Variants in CCDC30 observed in about 807,000 individuals in gnomAD.
CCDC30 encodes coiled-coil domain-containing protein 30.
Under a neutral mutation model 100.2 loss-of-function variants are expected in CCDC30, and 70 were observed. That is an observed-to-expected ratio of 0.70 (90% CI 0.58 to 0.85). CCDC30 has a LOEUF of 0.85. Ranked by LOEUF, CCDC30 falls within the 40% of genes least tolerant of loss-of-function variation. The pLI, the probability that CCDC30 is intolerant of heterozygous loss-of-function variation, is 0.00. For synonymous variants in CCDC30, 233 were observed against 269.5 expected, an observed-to-expected ratio of 0.86 and a Z score of 1.33; for missense variants, 652 against 771.2, an observed-to-expected ratio of 0.85 and a Z score of 1.83.
At chr1:42,496,313 A>G (rs1308052543) in intron 4 of CCDC30, among the ~76,000 whole-genome samples, 1 of 152,112 alleles carries the variant, frequency 6.6e-6, no homozygotes, top group African/African-American at 2.4e-5. Flanking sequence ...TTCTAGCCCC[A>G]TGTCTTCCCA....
intron 10 of CCDC30, among the ~76,000 whole-genome samples, chr1:42,598,555 G>T (rs1030743905): frequency 1.3e-5 from 2 of 151,918 alleles, no homozygotes; most frequent in Non-Finnish European, 2.9e-5. Flanking sequence ...ATTACAAAAG[G>T]CAGAAAAAGC....
intron 7 of CCDC30, chr1:42,571,420 G>T (rs1645730238): frequency 6.6e-6 from 1 of 151,658 alleles, no homozygotes; most frequent in South Asian, 2.1e-4. Flanking sequence ...GAAGTCAACA[G>T]CTAATAGATT....
In CCDC30 at chr1:42,521,525, A is replaced by C. The variant is rs148873163; in HGVS notation, c.456+22609A>C. Among the ~76,000 whole-genome samples the C allele has an allele frequency of 3.9e-4, 59 of 152,302 alleles. 1 individual carries two copies. In the East Asian group the frequency reaches 9.1e-3, roughly 23 times the overall value. On this transcript the variant is annotated intron_variant, in intron 6 of 16. Transcript: ENST00000668663. ...TGTGTGCAGTTGAGAAGAATGTGTAAGCTATTGCTGTTGGTTATAGCATCT... is the reference window on the plus strand; with the variant it reads ...TGTGTGCAGTTGAGAAGAATGTGTACGCTATTGCTGTTGGTTATAGCATCT...
At chr1:42,550,010 T>G (rs779254529) in intron 6 of CCDC30, among the ~76,000 whole-genome samples, 2 of 152,198 alleles carry the variant, frequency 1.3e-5, no homozygotes, top group African/African-American at 2.4e-5. Flanking sequence ...TGACTTTCTG[T>G]CTCCTTCACA....
At chr1:42,456,540 C>G in the CCDC30 span, 4 of 1,446,088 alleles carry the variant, frequency 2.8e-6, no homozygotes, top group Non-Finnish European at 3.6e-6. Context: ...GCGAAACGTG[C>G]GCAGGCGCCG....
At chr1:42,517,226 G>T (rs1289185010) in intron 6 of CCDC30, among the ~76,000 whole-genome samples, 1 of 152,126 alleles carries the variant, frequency 6.6e-6, no homozygotes, top group African/African-American at 2.4e-5. Flanking sequence ...TAGGACCAAA[G>T]ACAAATGCCA....
downstream of CCDC30, among the ~76,000 whole-genome samples, chr1:42,657,072 T>C (rs1405818522): frequency 6.6e-6 from 1 of 152,174 alleles, no homozygotes; most frequent in Non-Finnish European, 1.5e-5. Flanking sequence ...ACCCTTTACA[T>C]TGAGACACAC....
chr1:42,457,115 C>G, the CCDC30 span: 1 of 1,575,822 alleles, frequency 6.3e-7, no homozygotes. Flanking sequence ...GAAGCACAGC[C>G]TTTCTTTCCA....
intron 8 of CCDC30, chr1:42,580,691 A>G (rs938373519): frequency 3.8e-6 from 1 of 264,136 alleles, no homozygotes; most frequent in Admixed American, 4.9e-5. Context: ...TGTCATATAA[A>G]CTCTAAAATA....
chr1:42,593,094 A>G (rs12730152), intron 10 of CCDC30: 3 of 152,188 alleles, frequency 2.0e-5, no homozygotes, highest in Non-Finnish European at 4.4e-5. Flanking sequence ...GTCTGACACT[A>G]TCTACCTGAA....
At chr1:42,490,497 T>G (rs959408853) in intron 4 of CCDC30, among the ~76,000 whole-genome samples, 4 of 151,202 alleles carry the variant, frequency 2.6e-5, no homozygotes, top group Non-Finnish European at 5.9e-5. Flanking sequence ...ATTTAGGAAT[T>G]AAAATAATAA....
At chr1:42,477,375 G>A (rs1392087094) in intron 1 of CCDC30, among the ~76,000 whole-genome samples, 6 of 151,900 alleles carry the variant, frequency 3.9e-5, no homozygotes, top group African/African-American at 1.5e-4. Context: ...GACTACAGAT[G>A]CACGCCACCA....
At chr1:42,457,284 A>C in the CCDC30 span, 2 of 1,614,184 alleles carry the variant, frequency 1.2e-6, no homozygotes, top group South Asian at 1.1e-5. Context: ...CGGCTGTGTC[A>C]GATTTCTATG....
At chr1:42,641,964 G>A (rs999098368) in intron 12 of CCDC30, among the ~76,000 whole-genome samples, 7 of 152,150 alleles carry the variant, frequency 4.6e-5, no homozygotes, top group African/African-American at 1.4e-4. Flanking sequence ...GGTGGCTCAC[G>A]CCTGTAATCC....
intron 6 of CCDC30, among the ~76,000 whole-genome samples, chr1:42,539,731 A>T (rs1644975768): frequency 6.6e-6 from 1 of 152,178 alleles, no homozygotes; most frequent in Non-Finnish European, 1.5e-5. Flanking sequence ...TTACACTGAA[A>T]ATTGGGCTTA....
intron 6 of CCDC30, among the ~76,000 whole-genome samples, chr1:42,530,242 T>C (rs141131556): frequency 6.4e-4 from 98 of 152,338 alleles, no homozygotes; most frequent in African/African-American, 2.2e-3. Context: ...CATTGTGCCA[T>C]CTCACATCAT....
At chr1:42,621,458 G>T (rs1226443199) in intron 11 of CCDC30, among the ~76,000 whole-genome samples, 1 of 151,536 alleles carries the variant, frequency 6.6e-6, no homozygotes, top group Non-Finnish European at 1.5e-5. Flanking sequence ...TGGGACTGCA[G>T]GCATGTGCCA....
chr1:42,550,843 A>G (rs1645236811), intron 6 of CCDC30, among the ~76,000 whole-genome samples: 1 of 152,208 alleles, frequency 6.6e-6, no homozygotes, highest in Non-Finnish European at 1.5e-5. Flanking sequence ...TATAGTTGAT[A>G]TTCAACATAT....
chr1:42,653,447 A>G lies in CCDC30; in HGVS notation c.1922+4A>G. Reference sequence around the variant, plus strand: ...TATTGCCTTTATCAAACTCCAGGTTAGTAAAGTCAAGACAAATAAAGTCAA... The same window carrying G: ...TATTGCCTTTATCAAACTCCAGGTTGGTAAAGTCAAGACAAATAAAGTCAA... On this transcript the variant is annotated splice_donor_region_variant and intron_variant, in intron 16 of 16. Coordinates refer to ENST00000668663, the Ensembl canonical transcript of CCDC30. 1 of 1,571,352 alleles carries G rather than the reference A, an allele frequency of 6.4e-7. No individual in the cohort carries two copies. Among genetic ancestry groups the G allele is most frequent in the Non-Finnish European group, 8.7e-7 (1 of 1,145,346 alleles).
Sources: gnomAD v4.1 joint callset for allele counts (sites outside exome capture counted in the v4.1 genomes callset) on GRCh38, gnomAD v4.1.1 for gene constraint, MANE v1.5 for transcripts, NCBI Gene and HGNC (gene_info 2026-07-23, HGNC 2026-07-21) for gene names.